NSUN6: variants seen among roughly 807,000 people sequenced by gnomAD.
NSUN6 encodes the protein tRNA (cytosine(72)-C(5))-methyltransferase NSUN6.
A neutral mutation model predicts 58.0 loss-of-function variants in NSUN6; 64 were observed. That is an observed-to-expected ratio of 1.10 (90% CI 0.90 to 1.36). The LOEUF is 1.36. Ranked by LOEUF, NSUN6 falls within the 40% of genes most tolerant of loss-of-function variation. The pLI is 0.00. For missense variants in NSUN6, 701 were observed against 550.1 expected, an observed-to-expected ratio of 1.27 and a Z score of -2.74; for synonymous variants, 231 against 193.9, an observed-to-expected ratio of 1.19 and a Z score of -1.59.
chr10:18,621,021 G>C (rs2058587037), intron 3 of NSUN6, among the ~76,000 whole-genome samples: 1 of 152,220 alleles, frequency 6.6e-6, no homozygotes, highest in Non-Finnish European at 1.5e-5. Flanking sequence ...TTACAAGGCT[G>C]GCCCTTGACT....
intron 3 of NSUN6, among the ~76,000 whole-genome samples, chr10:18,619,749 T>C (rs1047081186): frequency 1.3e-4 from 20 of 152,214 alleles, no homozygotes; most frequent in African/African-American, 4.8e-4. Flanking sequence ...AGGTTTGCAA[T>C]TCAACTTTTG....
At chr10:18,594,872 G>T (rs2057523830) in intron 7 of NSUN6, among the ~76,000 whole-genome samples, 2 of 152,008 alleles carry the variant, frequency 1.3e-5, no homozygotes, top group Admixed American at 1.3e-4. Flanking sequence ...ATTTGTTTTG[G>T]CCAATAAATA....
At chr10:18,562,787 T>TGGAATGGAGTGGACAAA (rs2055628415) in intron 8 of NSUN6, among the ~76,000 whole-genome samples, 3 of 142,862 alleles carry the variant, frequency 2.1e-5, no homozygotes, top group Non-Finnish European at 3.0e-5. Context: ...GATAATGGAA[T>TGGAATGGAGTGGACAAA]GGAATGGAGT....
intron 8 of NSUN6, among the ~76,000 whole-genome samples, chr10:18,568,210 C>G (rs1290344379): frequency 6.6e-6 from 1 of 151,164 alleles, no homozygotes; most frequent in Non-Finnish European, 1.5e-5. Flanking sequence ...TTCACCATTC[C>G]ATTCCCGTCC....
chr10:18,607,142 T>C (rs139153928), intron 6 of NSUN6, among the ~76,000 whole-genome samples: 1 of 152,196 alleles, frequency 6.6e-6, no homozygotes, highest in Admixed American at 6.5e-5. Context: ...GCCTCTCACA[T>C]GATGTACTTT....
At chr10:18,578,229 C>CTTTTTTTTTT (rs766893679) in intron 8 of NSUN6, among the ~76,000 whole-genome samples, 2 of 84,200 alleles carry the variant, frequency 2.4e-5, no homozygotes, top group Non-Finnish European at 4.7e-5. Context: ...TTCTCTAAGC[C>CTTTTTTTTTT]TATTTTTTTT....
intron 3 of NSUN6, 78 bp from the exon 4 acceptor site, chr10:18,616,371 C>T (rs1004788880): frequency 2.5e-6 from 2 of 798,680 alleles, no homozygotes; most frequent in Non-Finnish European, 2.2e-6. Context: ...TCTATCTGAA[C>T]TCTAATGCCT....
intron 7 of NSUN6, among the ~76,000 whole-genome samples, chr10:18,594,314 T>C (rs1397983887): frequency 1.3e-5 from 2 of 152,210 alleles, no homozygotes; most frequent in African/African-American, 4.8e-5. Context: ...CTTGCTTTGT[T>C]TTCCCTTTTC....
chr10:18,606,840 T>C (rs1282048898), intron 6 of NSUN6, among the ~76,000 whole-genome samples: 1 of 152,202 alleles, frequency 6.6e-6, no homozygotes, highest in Admixed American at 6.5e-5. Context: ...TACATACAAA[T>C]TCACTGCAGT....
At chr10:18,604,714 C>T (rs937530359) in intron 6 of NSUN6, among the ~76,000 whole-genome samples, 2 of 151,830 alleles carry the variant, frequency 1.3e-5, no homozygotes. Flanking sequence ...AGTGAAATCC[C>T]ATCTCTACTA....
intron 3 of NSUN6, among the ~76,000 whole-genome samples, chr10:18,624,515 G>C (rs1165582032): frequency 6.6e-6 from 1 of 151,626 alleles, no homozygotes; most frequent in Non-Finnish European, 1.5e-5. Context: ...AATTAGCCGG[G>C]CATGGTGGCA....
chr10:18,597,064 C>A (rs562273569), intron 6 of NSUN6, among the ~76,000 whole-genome samples: 2 of 152,214 alleles, frequency 1.3e-5, no homozygotes, highest in South Asian at 2.1e-4. Flanking sequence ...AACAAACAAA[C>A]AACGACAACA....
At chr10:18,646,369 C>T (rs542352414) in intron 2 of NSUN6, among the ~76,000 whole-genome samples, 158 of 152,210 alleles carry the variant, frequency 1.0e-3, no homozygotes, top group African/African-American at 3.7e-3. Flanking sequence ...TTACTAGAAT[C>T]GGGTACTGCT....
At chr10:18,659,211 G>T (rs1254691633), upstream of NSUN6, 5 of 174,354 alleles carry the variant, frequency 2.9e-5, no homozygotes, top group Non-Finnish European at 6.0e-5. Context: ...CCCAGCCGCT[G>T]GCCGTTTGGG....
chr10:18,585,092 G>A (rs1174953682), intron 8 of NSUN6, among the ~76,000 whole-genome samples: 2 of 151,112 alleles, frequency 1.3e-5, no homozygotes, highest in African/African-American at 4.9e-5. Flanking sequence ...TCAGGAAAAT[G>A]CAAATCAAAA....
chr10:18,582,779 G>A (rs2131083712), intron 8 of NSUN6, among the ~76,000 whole-genome samples: 1 of 152,288 alleles, frequency 6.6e-6, no homozygotes, highest in Admixed American at 6.5e-5. Context: ...TGTAATCCCA[G>A]GAGTACTATG....
At chr10:18,615,128 T>TATATACAC (rs562207637) in intron 4 of NSUN6, among the ~76,000 whole-genome samples, 13 of 148,000 alleles carry the variant, frequency 8.8e-5, no homozygotes, top group African/African-American at 2.5e-4. Flanking sequence ...TATATATATA[T>TATATACAC]ACACACACAT....
chr10:18,645,807 G>C (rs1222349076), intron 2 of NSUN6, among the ~76,000 whole-genome samples: 1 of 152,130 alleles, frequency 6.6e-6, no homozygotes, highest in African/African-American at 2.4e-5. Context: ...ATGTTCCAAA[G>C]AGATCATATT....
chr10:18,606,076 A>G (rs534529817), intron 6 of NSUN6, among the ~76,000 whole-genome samples: 41 of 152,336 alleles, frequency 2.7e-4, no homozygotes, highest in African/African-American at 9.4e-4. Flanking sequence ...GATGCATAAT[A>G]AATATTTTAA....
Sources: gnomAD v4.1 joint callset for allele counts (sites outside exome capture counted in the v4.1 genomes callset) on GRCh38, gnomAD v4.1.1 for gene constraint, MANE v1.5 for transcripts, NCBI Gene and HGNC (gene_info 2026-07-23, HGNC 2026-07-21) for gene names.